The following SQSTM1 variants were observed in gnomAD, a reference collection of about 807,000 sequenced individuals.
SQSTM1 encodes sequestosome 1.
In SQSTM1, 36 loss-of-function variants were observed where a neutral mutation model predicts 45.1. The ratio of observed to expected loss-of-function variants is 0.80; its 90% CI spans 0.61 to 1.05. SQSTM1 has a LOEUF of 1.05. SQSTM1 is among the 50% of genes least tolerant of loss of function. SQSTM1 has a pLI of 0.00. For missense variants in SQSTM1, 617 were observed against 607.1 expected, an observed-to-expected ratio of 1.02 and a Z score of -0.17; for synonymous variants, 290 against 244.3, an observed-to-expected ratio of 1.19 and a Z score of -1.74.
At chr5:179,831,983 C>T (rs952171057) in intron 5 of SQSTM1, among the ~76,000 whole-genome samples, 8 of 152,168 alleles carry the variant, frequency 5.3e-5, no homozygotes, top group African/African-American at 1.7e-4. Flanking sequence ...CGGGGTTTCA[C>T]CATATTAGCC....
At chr5:179,808,553 C>T (rs771557110) in intron 1 of SQSTM1, 8 of 152,254 alleles carry the variant, frequency 5.3e-5, no homozygotes, top group Non-Finnish European at 1.2e-4. Context: ...CGCGGTGGCT[C>T]ATGCCTGTAA....
At chr5:179,816,315 AT>A (rs371794182), upstream of SQSTM1, among the ~76,000 whole-genome samples, 1 of 152,044 alleles carries the variant, frequency 6.6e-6, no homozygotes. Context: ...CGCCCAACTA[AT>A]TTTTTTAATT....
intron 1 of SQSTM1, chr5:179,821,571 C>T (rs763833431): frequency 4.4e-6 from 2 of 458,784 alleles, no homozygotes; most frequent in East Asian, 7.1e-5. Flanking sequence ...CAGATAATGC[C>T]CTGGAGGAGC....
At chr5:179,811,867 C>A (rs914428492) in intron 2 of SQSTM1, 1 of 152,304 alleles carries the variant, frequency 6.6e-6, no homozygotes, top group South Asian at 2.1e-4. Flanking sequence ...TGCAGTGGCG[C>A]CATCTCGGCT....
In SQSTM1 at chr5:179,823,166, G is replaced by A. The variant is rs1025582186; in HGVS notation, c.301+113G>A. On this transcript the variant is annotated intron_variant, in intron 2 of 7. Transcript: ENST00000389805. ...CAATGAAGGGGTCAGCAATTTGAGGGCTGTTTAAGACAGAGACATAGGCCA... is the reference window on the plus strand; with the variant it reads ...CAATGAAGGGGTCAGCAATTTGAGGACTGTTTAAGACAGAGACATAGGCCA... 8 of 1,015,222 alleles carry A rather than the reference G, an allele frequency of 7.9e-6. No individual in the cohort carries two copies. The African/African-American group carries it at 1.3e-4, about 16-fold the overall frequency. 62.9% of individuals were successfully genotyped at this position (1,015,222 alleles called of 1,614,324 possible). A position where few individuals can be genotyped will look rare whatever the true frequency, so the allele number is the denominator to read the frequency against.
At chr5:179,833,507 G>A in intron 6 of SQSTM1, 80 bp from the exon 7 acceptor site, 2 of 1,503,332 alleles carry the variant, frequency 1.3e-6, no homozygotes, top group Non-Finnish European at 1.8e-6. Context: ...CTCCCCGACT[G>A]TCTGCCAGGA....
At chr5:179,807,754 G>C (rs1158171627) in intron 1 of SQSTM1, 1 of 152,372 alleles carries the variant, frequency 6.6e-6, no homozygotes, top group East Asian at 1.9e-4. Context: ...CCGGGTTCAA[G>C]CGATTCCCCT....
At chr5:179,815,981 C>T (rs1416970708), upstream of SQSTM1, among the ~76,000 whole-genome samples, 3 of 152,122 alleles carry the variant, frequency 2.0e-5, no homozygotes, top group East Asian at 1.9e-4. Context: ...GCAGGGAGGT[C>T]GAAGAGCTGA....
chr5:179,819,942 G>A (rs1223951397), upstream of SQSTM1, among the ~76,000 whole-genome samples: 1 of 152,188 alleles, frequency 6.6e-6, no homozygotes, highest in African/African-American at 2.4e-5. Context: ...CAAGCCCTGG[G>A]CTGAAATGGC....
Position 179,837,497 on chromosome 5 carries a change from G to C in SQSTM1, c.*904G>C, listed in dbSNP as rs749587982. 1 of 1,614,202 alleles carries C rather than the reference G, an allele frequency of 6.2e-7. No homozygotes were observed. Among genetic ancestry groups the C allele is most frequent in the Admixed American group, 1.7e-5 (1 of 60,028 alleles). ...CAGGGGCCCACCCTCTGCCCAGGGA[G>C]TCCTTGCGTCCCATGAGGTCTTCCC... On this transcript the variant is annotated 3_prime_UTR_variant, in exon 8 of 8. Coordinates refer to ENST00000389805, the MANE Select transcript of SQSTM1 (RefSeq NM_003900.5).
chr5:179,821,233 C>T (rs1299796080), intron 1 of SQSTM1, 92 bp downstream of exon 1: 3 of 1,218,844 alleles, frequency 2.5e-6, no homozygotes, highest in Admixed American at 4.2e-5. Context: ...TCGGCGACGC[C>T]TGGCGGGCCG....
chr5:179,837,868 T>A lies in SQSTM1; in HGVS notation c.*1275T>A. On this transcript the variant is annotated 3_prime_UTR_variant, in exon 8 of 8. Coordinates refer to ENST00000389805, the MANE Select transcript of SQSTM1 (RefSeq NM_003900.5). The stretch of plus-strand genomic sequence containing the variant: ...GGCTGCTGCCTTGTTTCACCTTCCA[T>A]GTCAGGCCAGCCTGTCCCTGAAAGA... The A allele has an allele frequency of 6.2e-7, 1 of 1,606,942 alleles. No individual in the cohort carries two copies. The highest frequency in any genetic ancestry group is 8.5e-7 in the Non-Finnish European group (1 of 1,179,552).
intron 2 of SQSTM1, 195 bp from the exon 3 acceptor site, chr5:179,823,657 CAAACAG>C: frequency 1.6e-6 from 1 of 611,146 alleles, no homozygotes; most frequent in Non-Finnish European, 2.9e-6. Context: ...CTGCCTGGGC[CAAACAG>C]ACACAGGGAC....
chr5:179,812,914 C>T (rs1047552622), intron 2 of SQSTM1: 5 of 151,226 alleles, frequency 3.3e-5, no homozygotes, highest in Admixed American at 6.6e-5. Flanking sequence ...AGCAAATGGC[C>T]GTGTTTTTAT....
At position 179,833,099 on chromosome 5, in the gene SQSTM1, G is replaced by C. The variant is rs55793208; in HGVS notation, c.822G>C (p.Glu274Asp). ...KRSRLTPVSPESSSTEEKSSS... is the reference protein window; with the variant it reads ...KRSRLTPVSPDSSSTEEKSSS... The stretch of plus-strand genomic sequence containing the variant: ...GCCGCCTGACCCCCGTCTCTCCAGA[G>C]AGTTCCAGCACAGAGGAGAAGAGCA... The change falls in exon 6 of 8, where the codon GAG becomes GAC. Residue 274 changes from glutamate (E) to aspartate (D), a missense_variant. By Grantham distance (45) the Glu-to-Asp change is conservative. Transcript: ENST00000389805. 31,772 of 1,614,204 alleles carry C rather than the reference G, an allele frequency of 0.02. 401 individuals carry two copies. The highest frequency in any genetic ancestry group is 0.035 in the Middle Eastern group (213 of 6,062).
At chr5:179,818,959 C>T (rs172057), upstream of SQSTM1, 151,179 of 152,712 alleles carry the variant, frequency 0.99, 74,831 homozygotes, top group East Asian at 1. Flanking sequence ...GAGTGTCTGT[C>T]TGGCTCCAGC....
intron 7 of SQSTM1, chr5:179,836,070 AATCT>A (rs1380592211): frequency 2.7e-6 from 1 of 370,556 alleles, no homozygotes; most frequent in African/African-American, 2.1e-5. Flanking sequence ...CTCCATCTTC[AATCT>A]ATTTCAATGC....
chr5:179,834,566 C>T (rs897659036), intron 7 of SQSTM1, among the ~76,000 whole-genome samples: 61 of 148,700 alleles, frequency 4.1e-4, no homozygotes, highest in South Asian at 8.6e-4. Context: ...TGCGGCCTTC[C>T]GCAGCGTTTG....
At chr5:179,830,663 A>G (rs1263534177) in intron 5 of SQSTM1, among the ~76,000 whole-genome samples, 2 of 151,240 alleles carry the variant, frequency 1.3e-5, no homozygotes, top group African/African-American at 2.4e-5. Context: ...GGTTCAAGCA[A>G]TTTTCTGCCT....
Sources: allele counts gnomAD v4.1 joint callset (sites outside exome capture counted in the v4.1 genomes callset), GRCh38; gene constraint gnomAD v4.1.1; transcripts MANE v1.5; gene names NCBI Gene and HGNC (gene_info 2026-07-23, HGNC 2026-07-21).